OSBPL9: variants seen among roughly 807,000 people sequenced by gnomAD.
OSBPL9 encodes oxysterol-binding protein-related protein 9.
OSBPL9 carries 40 observed loss-of-function variants against 106.6 expected under a neutral mutation model. That is an observed-to-expected ratio of 0.38 (90% CI 0.29 to 0.49). The LOEUF (loss-of-function observed/expected upper bound fraction) is 0.49, where lower values mean the gene tolerates loss of function less well. OSBPL9 is among the 20% of genes least tolerant of loss of function. OSBPL9 has a pLI of 0.97. For missense variants in OSBPL9, 609 were observed against 887.2 expected (o/e 0.69, Z 3.98); for synonymous variants, 269 against 295.4 (o/e 0.91, Z 0.92).
intron 8 of OSBPL9, chr1:51,752,750 C>T (rs1206517939): frequency 2.3e-5 from 7 of 299,846 alleles, no homozygotes; most frequent in South Asian, 1.2e-4. Context: ...AGAGAGGGAG[C>T]GTGCACGTGT....
intron 1 of OSBPL9, among the ~76,000 whole-genome samples, chr1:51,633,038 C>A (rs1645204255): frequency 6.6e-6 from 1 of 151,986 alleles, no homozygotes; most frequent in Non-Finnish European, 1.5e-5. Context: ...CTCACTGCAA[C>A]CTCCACCTCC....
chr1:51,608,687 G>T (rs960385936), intron 2 of OSBPL9, among the ~76,000 whole-genome samples: 12 of 151,442 alleles, frequency 7.9e-5, no homozygotes, highest in South Asian at 2.1e-4. Context: ...TGGGGGGGGG[G>T]GCTTTCCTGC....
intron 1 of OSBPL9, among the ~76,000 whole-genome samples, chr1:51,619,788 G>A (rs1181480461): frequency 1.3e-5 from 2 of 152,152 alleles, no homozygotes; most frequent in East Asian, 3.8e-4. Context: ...CAGTCCATTC[G>A]GATTCTGAAG....
intron 3 of OSBPL9, among the ~76,000 whole-genome samples, chr1:51,695,380 C>G (rs759796915): frequency 1.3e-5 from 2 of 152,088 alleles, no homozygotes; most frequent in Non-Finnish European, 2.9e-5. Flanking sequence ...AGTATTAGTA[C>G]GAAAATAGTT....
rs1332364857 is a variant in OSBPL9, at chr1:51,658,671, G to A, written c.162+6630G>A. On this transcript the variant is annotated intron_variant, in intron 2 of 23. Transcript: ENST00000428468. ...CTTTTAGTCTACCACAAGAGAGGTC[G>A]GTGGTGCACCATGACAGAATATTAA... is the stretch of plus-strand genomic sequence containing the variant. Among the ~76,000 whole-genome samples the A allele has an allele frequency of 3.3e-5, 5 of 152,156 alleles. No individual in the cohort carries two copies. The East Asian group carries it at 7.7e-4, about 23-fold the overall frequency.
chr1:51,613,194 T>C (rs1405352534), upstream of OSBPL9, among the ~76,000 whole-genome samples: 1 of 152,216 alleles, frequency 6.6e-6, no homozygotes, highest in Admixed American at 6.5e-5. Context: ...AAGAAGCTAA[T>C]GGAGGGATAC....
intron 1 of OSBPL9, among the ~76,000 whole-genome samples, chr1:51,595,492 A>C (rs538645617): frequency 2.0e-5 from 3 of 152,182 alleles, no homozygotes; most frequent in Non-Finnish European, 4.4e-5. Context: ...TTGATCCAGC[A>C]TGGGGTCTCA....
chr1:51,679,708 C>G (rs1652083962), intron 3 of OSBPL9, among the ~76,000 whole-genome samples: 1 of 152,208 alleles, frequency 6.6e-6, no homozygotes, highest in Non-Finnish European at 1.5e-5. Context: ...GCCCATTAGT[C>G]ACTTACTAAG....
At chr1:51,552,007 T>TA in the OSBPL9 span, among the ~76,000 whole-genome samples, 10 of 116,660 alleles carry the variant, frequency 8.6e-5, no homozygotes, top group Non-Finnish European at 1.6e-4. Flanking sequence ...GTGTTTAGTT[T>TA]GTTCGTAAAT....
intron 17 of OSBPL9, among the ~76,000 whole-genome samples, chr1:51,783,067 G>A (rs1378181182): frequency 6.6e-6 from 1 of 152,060 alleles, no homozygotes; most frequent in Non-Finnish European, 1.5e-5. Flanking sequence ...TATAACCTAT[G>A]CACACCCTCC....
chr1:51,565,277 C>T, the OSBPL9 span, among the ~76,000 whole-genome samples: 1 of 152,144 alleles, frequency 6.6e-6, no homozygotes, highest in African/African-American at 2.4e-5. Context: ...CCAACCTTAT[C>T]TCCTACCATG....
chr1:51,760,616 A>G (rs146307365), intron 9 of OSBPL9, 74 bp from the exon 10 acceptor site: 3 of 1,601,360 alleles, frequency 1.9e-6, no homozygotes, highest in African/African-American at 1.3e-5. Context: ...GAAGTCATAA[A>G]TGTGGGCATT....
the OSBPL9 span, among the ~76,000 whole-genome samples, chr1:51,529,642 A>T: frequency 6.6e-6 from 1 of 152,044 alleles, no homozygotes; most frequent in Non-Finnish European, 1.5e-5. Context: ...ATACATTAAT[A>T]GTCAATTGAT....
intron 3 of OSBPL9, among the ~76,000 whole-genome samples, chr1:51,704,154 ATGAG>A (rs1409199838): frequency 6.6e-6 from 1 of 152,184 alleles, no homozygotes; most frequent in Non-Finnish European, 1.5e-5. Flanking sequence ...GCCTCATAAA[ATGAG>A]TTAGGGAGGA....
chr1:51,729,822 G>T lies in OSBPL9; in HGVS notation c.319-15714G>T. On this transcript the variant is annotated intron_variant, in intron 4 of 23. Transcript: ENST00000428468. The surrounding 1 kb of genome is among the most constrained non-coding windows in gnomAD (Gnocchi z 5.1). Reference sequence around the variant, plus strand: ...GGGAAAGGGGTGGGGGGTGAAGGGGGTGAAGGGGGTGTCCCGGGGGACGGG... The same window carrying T: ...GGGAAAGGGGTGGGGGGTGAAGGGGTTGAAGGGGGTGTCCCGGGGGACGGG... 1.6e-6 allele frequency: 2 copies of T among 1,243,938 alleles called. No individual in the cohort carries two copies. Among genetic ancestry groups the T allele is most frequent in the East Asian group, 3.2e-5 (1 of 31,652 alleles). The allele number at this position is 1,243,938 out of a possible 1,614,324, so 77.1% of individuals were successfully genotyped here.
At chr1:51,741,924 G>T (rs568783990) in intron 4 of OSBPL9, among the ~76,000 whole-genome samples, 1 of 152,074 alleles carries the variant, frequency 6.6e-6, no homozygotes, top group Non-Finnish European at 1.5e-5. Context: ...CCAATAATGC[G>T]ACATAATCCC....
At chr1:51,642,555 G>A (rs1242520436) in intron 1 of OSBPL9, among the ~76,000 whole-genome samples, 1 of 152,130 alleles carries the variant, frequency 6.6e-6, no homozygotes, top group Non-Finnish European at 1.5e-5. Flanking sequence ...CTCTGTAGGT[G>A]GGGGACAAGG....
chr1:51,591,208 G>A (rs1317561218), intron 1 of OSBPL9, among the ~76,000 whole-genome samples: 1 of 150,114 alleles, frequency 6.7e-6, no homozygotes, highest in African/African-American at 2.5e-5. Flanking sequence ...GTGAGCCACC[G>A]TGCCGGGCCC....
chr1:51,724,484 C>A (rs908429661), intron 4 of OSBPL9, among the ~76,000 whole-genome samples: 1 of 151,970 alleles, frequency 6.6e-6, no homozygotes, highest in African/African-American at 2.4e-5. Flanking sequence ...GGGGGTTCCA[C>A]CATGTTGGCC....
Sources: gnomAD v4.1 joint callset for allele counts (sites outside exome capture counted in the v4.1 genomes callset) on GRCh38, gnomAD v4.1.1 for gene constraint, Gnocchi (gnomAD v3.1) non-coding constraint, MANE v1.5 for transcripts, NCBI Gene and HGNC (gene_info 2026-07-23, HGNC 2026-07-21) for gene names.